PCDHGA9: variants seen among roughly 807,000 people sequenced by gnomAD.
PCDHGA9 encodes the protein protocadherin gamma subfamily A, 9.
In PCDHGA9, 37 loss-of-function variants were observed where a neutral mutation model predicts 62.5. The ratio of observed to expected loss-of-function variants is 0.59; its 90% confidence interval spans 0.46 to 0.78. The LOEUF (loss-of-function observed/expected upper bound fraction) is 0.78. PCDHGA9 is among the 30% of genes least tolerant of loss of function. PCDHGA9 has a pLI of 0.00. For missense variants in PCDHGA9, 1,138 were observed against 1,166.2 expected (o/e 0.98, Z 0.35); for synonymous variants, 459 against 484.6 (o/e 0.95, Z 0.69).
At chr5:141,496,050 G>A (rs1232836015) in intron 2 of PCDHGA9, among the ~76,000 whole-genome samples, 2 of 149,892 alleles carry the variant, frequency 1.3e-5, no homozygotes, top group Non-Finnish European at 3.0e-5. Flanking sequence ...ATTTTTTTGT[G>A]CTTGTGGGCA....
intron 1 of PCDHGA9, chr5:141,468,381 G>A (rs1297428363): frequency 2.0e-5 from 3 of 149,754 alleles, no homozygotes; most frequent in South Asian, 2.1e-4. Flanking sequence ...AGCCATACAA[G>A]GCTACCCATT....
chr5:141,476,521 C>T lies in PCDHGA9; in HGVS notation c.2425-18286C>T. On this transcript the variant is annotated intron_variant, in intron 1 of 3. Transcript: ENST00000573521. The surrounding 1 kb of genome is among the most constrained non-coding windows in gnomAD (Gnocchi z 7.6). ...ACATCAACGACAACAATCCTGCTTT[C>T]CCTACCCAGGAAATGAAATTGGAGA... 4 of 1,614,214 alleles carry T rather than the reference C, an allele frequency of 2.5e-6. No homozygotes were observed. The highest frequency in any genetic ancestry group is 3.4e-6 in the Non-Finnish European group (4 of 1,180,036).
chr5:141,481,856 G>A (rs1402368786), intron 1 of PCDHGA9, among the ~76,000 whole-genome samples: 1 of 149,156 alleles, frequency 6.7e-6, no homozygotes, highest in Admixed American at 6.8e-5. Flanking sequence ...GGAGGTTGCA[G>A]TGAGCCGAGA....
intron 1 of PCDHGA9, chr5:141,415,367 CT>C (rs2095859649): frequency 6.2e-7 from 1 of 1,614,118 alleles, no homozygotes; most frequent in African/African-American, 1.3e-5. Flanking sequence ...CTGCTGCAGG[CT>C]TCAGGAGGCG....
At chr5:141,503,554 G>A (rs1395044357) in intron 2 of PCDHGA9, among the ~76,000 whole-genome samples, 11 of 149,146 alleles carry the variant, frequency 7.4e-5, no homozygotes, top group East Asian at 3.9e-4. Flanking sequence ...AGCCGAGATC[G>A]CGCCACTGTA....
chr5:141,423,348 C>G, intron 1 of PCDHGA9: 1 of 1,614,222 alleles, frequency 6.2e-7, no homozygotes. Flanking sequence ...TCTTCCTGGT[C>G]TTTGTCATCG....
intron 1 of PCDHGA9, chr5:141,427,447 T>A (rs556527924): frequency 1.9e-4 from 92 of 483,324 alleles, no homozygotes; most frequent in African/African-American, 1.4e-3. Context: ...AACGAAAGAG[T>A]TCCTTTTAGA....
chr5:141,495,080 G>A (rs73794925), intron 2 of PCDHGA9, among the ~76,000 whole-genome samples: 1 of 152,258 alleles, frequency 6.6e-6, no homozygotes, highest in African/African-American at 2.4e-5. Flanking sequence ...TCACATGCTT[G>A]CCCCTTCCCT....
chr5:141,408,362 C>T (rs773344794), intron 1 of PCDHGA9: 36 of 1,613,850 alleles, frequency 2.2e-5, no homozygotes, highest in Non-Finnish European at 3.1e-5. Flanking sequence ...CGCTAAGGAT[C>T]TAGGGCTCAG....
chr5:141,478,783 T>G (rs1435790850), intron 1 of PCDHGA9: 2 of 1,483,968 alleles, frequency 1.3e-6, no homozygotes, highest in Admixed American at 4.6e-5. Flanking sequence ...TGGACCTAAT[T>G]CACATCCTCA....
rs770249472 is a variant in PCDHGA9, at chr5:141,477,747, C to T, written c.2425-17060C>T. On this transcript the variant is annotated intron_variant, in intron 1 of 3. Transcript: ENST00000573521. The surrounding 1 kb of genome is among the most constrained non-coding windows in gnomAD (Gnocchi z 4.9). ...ACAGCTCATATCAGCGATGGGGGCA[C>T]CCCGGTCCTAGCCACCAACATCAGC... 6.2e-7 allele frequency: 1 copy of T among 1,613,840 alleles called. No individual in the cohort carries two copies. The highest frequency in any genetic ancestry group is 1.7e-5 in the Admixed American group (1 of 60,026).
At chr5:141,419,570 G>A (rs751047365) in intron 1 of PCDHGA9, 3 of 1,611,764 alleles carry the variant, frequency 1.9e-6, no homozygotes, top group Non-Finnish European at 2.5e-6. Flanking sequence ...GGGTCCCGAC[G>A]GCTCCGCGCT....
chr5:141,410,976 C>G (rs750121743), intron 1 of PCDHGA9: 28 of 178,158 alleles, frequency 1.6e-4, no homozygotes, highest in Non-Finnish European at 2.6e-4. Context: ...GCCTCAGCCT[C>G]CCAAGTAGCT....
rs768354664 is a variant in PCDHGA9 at position 141,485,690 on chromosome 5, A to C, written c.2425-9117A>C. On this transcript the variant is annotated intron_variant, in intron 1 of 3. Coordinates refer to ENST00000573521, the MANE Select transcript of PCDHGA9 (RefSeq NM_018921.3). This position sits in a 1 kb window ranked among gnomAD's most constrained non-coding sequence, Gnocchi z 5.7. ...CAATTCGATTAGCAGCTATAGGCTG[A>C]GCTCCAATGAACACTTTGCACTGGA... 1.6e-5 allele frequency: 26 copies of C among 1,614,106 alleles called. No individual in the cohort carries two copies. In the South Asian group the frequency reaches 2.7e-4, roughly 17 times the overall value.
At position 141,404,170 on chromosome 5, in the gene PCDHGA9, G is replaced by C. The variant is rs73279089; in HGVS notation, c.1218G>C (p.Thr406=). Reference sequence around the variant, plus strand: ...AAGAAGATTATTACAGATTGTTGACGGCCCAAATTCTTGACCGAGAAAAAG... The same window carrying C: ...AAGAAGATTATTACAGATTGTTGACCGCCCAAATTCTTGACCGAGAAAAAG... ...NSEEDYYRLL[T]AQILDREKAS... is the part of the protein sequence containing the mutation. Residue 406 remains threonine (T), a synonymous_variant, in exon 1 of 4, where the codon ACG becomes ACC. Coordinates refer to ENST00000573521, the MANE Select transcript of PCDHGA9 (RefSeq NM_018921.3). The C allele has an allele frequency of 1.5e-3, 2,365 of 1,612,738 alleles. 32 individuals are homozygous for C. In the African/African-American group the frequency reaches 0.028, roughly 19 times the overall value.
intron 1 of PCDHGA9, among the ~76,000 whole-genome samples, chr5:141,460,447 A>G (rs1202218653): frequency 6.6e-6 from 1 of 152,170 alleles, no homozygotes; most frequent in Non-Finnish European, 1.5e-5. Context: ...GTAACAATGA[A>G]GATTCATATT....
chr5:141,428,324 T>C, intron 1 of PCDHGA9: 1 of 642,806 alleles, frequency 1.6e-6, no homozygotes, highest in Non-Finnish European at 2.8e-6. Flanking sequence ...TTGGCCTTGA[T>C]TTCTATGCTC....
intron 1 of PCDHGA9, among the ~76,000 whole-genome samples, chr5:141,460,961 A>ATATGTGTGTGTG (rs1463306338): frequency 4.1e-5 from 6 of 144,616 alleles, no homozygotes; most frequent in Admixed American, 1.4e-4. Flanking sequence ...GTATATATAT[A>ATATGTGTGTGTG]TGTGTGTGTG....
At position 141,422,923 on chromosome 5, in the gene PCDHGA9, C is replaced by T. The variant is rs188787674; in HGVS notation, c.2424+17547C>T. The T allele has an allele frequency of 1.6e-5, 26 of 1,614,252 alleles. No homozygotes were observed. In the East Asian group the frequency reaches 2.5e-4, roughly 15 times the overall value. On this transcript the variant is annotated intron_variant, in intron 1 of 3. Coordinates refer to ENST00000573521, the MANE Select transcript of PCDHGA9 (RefSeq NM_018921.3). ...CGACAATGCGCCCGAGATCCTGTAC[C>T]CTGCCCTCCCCACAGACGGCTCCAC...
Sources: allele counts gnomAD v4.1 joint callset (sites outside exome capture counted in the v4.1 genomes callset), GRCh38; gene constraint gnomAD v4.1.1; non-coding constraint Gnocchi (gnomAD v3.1); transcripts MANE v1.5; gene names NCBI Gene and HGNC (gene_info 2026-07-23, HGNC 2026-07-21).